TENM3: variants seen among roughly 807,000 people sequenced by gnomAD.
TENM3 encodes the protein teneurin-3.
TENM3 carries 63 observed loss-of-function variants against 255.1 expected under a neutral mutation model. The ratio of observed to expected loss-of-function variants is 0.25; its 90% CI spans 0.20 to 0.30. TENM3 has a LOEUF of 0.30. Ranked by LOEUF, TENM3 falls within the 10% of genes least tolerant of loss-of-function variation. TENM3 has a pLI of 1.00. For missense variants in TENM3, 2,929 were observed against 3,461.1 expected (o/e 0.85, Z 3.86); for synonymous variants, 1,306 against 1,322.3 (o/e 0.99, Z 0.27).
At chr4:181,656,960 C>A in the TENM3 span, among the ~76,000 whole-genome samples, 1 of 152,214 alleles carries the variant, frequency 6.6e-6, no homozygotes, top group Non-Finnish European at 1.5e-5. Flanking sequence ...CCTCTATTTT[C>A]CAGTCAAGGA....
At chr4:181,929,367 G>A in the TENM3 span, among the ~76,000 whole-genome samples, 12 of 150,182 alleles carry the variant, frequency 8.0e-5, no homozygotes, top group African/African-American at 2.5e-4. Context: ...AAAAAAAAAA[G>A]GAGGAGTTGC....
chr4:181,701,649 T>C, the TENM3 span, among the ~76,000 whole-genome samples: 2 of 152,240 alleles, frequency 1.3e-5, no homozygotes, highest in Non-Finnish European at 2.9e-5. Flanking sequence ...AACAAAATGC[T>C]TGCCTTTATA....
the TENM3 span, among the ~76,000 whole-genome samples, chr4:181,911,806 G>A: frequency 6.6e-6 from 1 of 152,076 alleles, no homozygotes; most frequent in African/African-American, 2.4e-5. Flanking sequence ...TGATATAGAA[G>A]GTAATGAGCC....
chr4:182,331,244 A>T (rs1377425442), intron 2 of TENM3, among the ~76,000 whole-genome samples: 1 of 152,336 alleles, frequency 6.6e-6, no homozygotes, highest in Admixed American at 6.5e-5. Flanking sequence ...ATCACCTAAA[A>T]TTTAAATGTA....
chr4:182,311,761 G>C (rs1490077356), intron 1 of TENM3, among the ~76,000 whole-genome samples: 2 of 152,234 alleles, frequency 1.3e-5, no homozygotes, highest in Non-Finnish European at 2.9e-5. Context: ...CTCTGAAAGA[G>C]AGGAATATGC....
chr4:181,813,301 A>C, the TENM3 span, among the ~76,000 whole-genome samples: 1 of 152,162 alleles, frequency 6.6e-6, no homozygotes, highest in African/African-American at 2.4e-5. Flanking sequence ...GATCAAACAC[A>C]AACTGTTCAG....
intron 3 of TENM3, among the ~76,000 whole-genome samples, chr4:182,512,666 C>T (rs561738774): frequency 2.6e-4 from 40 of 152,110 alleles, no homozygotes; most frequent in Non-Finnish European, 4.9e-4. Context: ...AGAAAAAACA[C>T]TCTGAAAATA....
At chr4:182,686,788 T>G (rs766032281) in intron 11 of TENM3, among the ~76,000 whole-genome samples, 1 of 152,056 alleles carries the variant, frequency 6.6e-6, no homozygotes, top group Non-Finnish European at 1.5e-5. Context: ...ATCACCCTAA[T>G]GAAAAATTGA....
chr4:181,969,993 T>C, the TENM3 span, among the ~76,000 whole-genome samples: 1 of 152,246 alleles, frequency 6.6e-6, no homozygotes. Context: ...TCTTTATGAC[T>C]GATTTTAATT....
chr4:181,567,775 G>A, the TENM3 span, among the ~76,000 whole-genome samples: 2 of 152,222 alleles, frequency 1.3e-5, 1 homozygote, highest in South Asian at 4.1e-4. Flanking sequence ...GACACATGAG[G>A]TCTTTCTACA....
At chr4:182,371,973 C>T (rs1003170074) in intron 3 of TENM3, among the ~76,000 whole-genome samples, 19 of 152,268 alleles carry the variant, frequency 1.2e-4, no homozygotes, top group African/African-American at 3.8e-4. Context: ...GGCTGTTCCA[C>T]GAACCTGATA....
At chr4:182,071,996 T>C in the TENM3 span, among the ~76,000 whole-genome samples, 11 of 152,268 alleles carry the variant, frequency 7.2e-5, no homozygotes, top group Non-Finnish European at 1.6e-4. Context: ...GCCAACACAT[T>C]GCGGAGAAAT....
chr4:182,118,587 C>T, the TENM3 span, among the ~76,000 whole-genome samples: 1 of 121,100 alleles, frequency 8.3e-6, no homozygotes, highest in Non-Finnish European at 1.8e-5. Flanking sequence ...GCCAGCTCCC[C>T]CCTCCACCTT....
intron 3 of TENM3, among the ~76,000 whole-genome samples, chr4:182,348,396 T>C (rs904642363): frequency 6.6e-6 from 1 of 152,206 alleles, no homozygotes; most frequent in Non-Finnish European, 1.5e-5. Context: ...GAATAAATAT[T>C]GCTTCCTGTC....
At chr4:181,747,575 A>T in the TENM3 span, among the ~76,000 whole-genome samples, 141 of 152,090 alleles carry the variant, frequency 9.3e-4, 2 homozygotes, top group East Asian at 0.023. Context: ...TGATTGATTT[A>T]AATATTTTAT....
chr4:182,279,963 C>T (rs1760264727), intron 1 of TENM3, among the ~76,000 whole-genome samples: 1 of 152,170 alleles, frequency 6.6e-6, no homozygotes, highest in African/African-American at 2.4e-5. Context: ...TCAGGTTCTC[C>T]TCTTTCAAAA....
the TENM3 span, among the ~76,000 whole-genome samples, chr4:181,673,847 T>G: frequency 1.2e-4 from 4 of 34,070 alleles, no homozygotes; most frequent in Non-Finnish European, 2.2e-4. Context: ...AAGTGTGTGG[T>G]GTGTGTGTGT....
chr4:182,258,494 A>G (rs1244929360), intron 1 of TENM3, among the ~76,000 whole-genome samples: 2 of 152,046 alleles, frequency 1.3e-5, no homozygotes, highest in African/African-American at 4.8e-5. Context: ...CCTACTTTAA[A>G]TTGCTTAGTG....
At chr4:182,645,405 A>G (rs1450858918) in intron 5 of TENM3, among the ~76,000 whole-genome samples, 1 of 152,148 alleles carries the variant, frequency 6.6e-6, no homozygotes, top group Non-Finnish European at 1.5e-5. Flanking sequence ...AGGTCAAGGA[A>G]GGACTTTGGC....
Sources: allele counts gnomAD v4.1 joint callset (sites outside exome capture counted in the v4.1 genomes callset), GRCh38; gene constraint gnomAD v4.1.1; transcripts MANE v1.5; gene names NCBI Gene and HGNC (gene_info 2026-07-23, HGNC 2026-07-21).